Variants in ACOT11 observed in about 807,000 individuals in gnomAD.
The protein encoded by ACOT11 is acyl-coenzyme A thioesterase 11.
Under a neutral mutation model 77.5 loss-of-function variants are expected in ACOT11, and 69 were observed. That is an observed-to-expected ratio of 0.89 (90% confidence interval 0.73 to 1.09). ACOT11 has a LOEUF of 1.09. Ranked by LOEUF, ACOT11 falls within the 50% of genes least tolerant of loss-of-function variation. The pLI is 0.00. For synonymous variants in ACOT11, 279 were observed against 313.0 expected (o/e 0.89, Z 1.15); for missense variants, 766 against 813.7 (o/e 0.94, Z 0.71).
intron 1 of ACOT11, among the ~76,000 whole-genome samples, chr1:54,567,448 T>G (rs1653774627): frequency 1.3e-5 from 2 of 151,984 alleles, no homozygotes; most frequent in Admixed American, 6.5e-5. Flanking sequence ...CCAGCTAATT[T>G]TTGTATTTTT....
chr1:54,616,005 CAG>C (rs1557671929), intron 15 of ACOT11: 1 of 1,612,668 alleles, frequency 6.2e-7, no homozygotes. Flanking sequence ...AGAGGGTTTC[CAG>C]AGAGGCCCTT....
rs746311498 is a variant in ACOT11 at position 54,609,460 on chromosome 1, A to C, written c.*348A>C. ...ATGCCAGCAGCCTGCCTATGGCTCC[A>C]GCTGTGCTGTGGCCCAGCAGCATGG... On this transcript the variant is annotated 3_prime_UTR_variant, in exon 16 of 16. Transcript: ENST00000343744. 6 of 1,613,402 alleles carry C rather than the reference A, an allele frequency of 3.7e-6. No homozygotes were observed. The highest frequency in any genetic ancestry group is 4.2e-6 in the Non-Finnish European group (5 of 1,179,992).
At position 54,597,310 on chromosome 1, in the gene ACOT11, T is replaced by G; in HGVS notation, c.659T>G (p.Val220Gly). Residue 220 changes from valine (V) to glycine (G), a missense_variant, in exon 7 of 16, where the codon GTG (valine) becomes GGG (glycine). Val to Gly is a moderately radical substitution (Grantham distance 109). Coordinates refer to ENST00000343744, the MANE Select transcript of ACOT11 (RefSeq NM_147161.4). ...ATGGTGCCGGCTGAGAAGACCCGTG[T>G]GGAGAGTGTGGAGCTGGTCCTGCCT... The part of the protein sequence containing the change: ...SRMVPAEKTR[V>G]ESVELVLPPH... 3.7e-6 allele frequency: 6 copies of G among 1,613,868 alleles called. No homozygotes were observed. The highest frequency in any genetic ancestry group is 4.2e-6 in the Non-Finnish European group (5 of 1,180,012).
rs1372909342 is a variant in ACOT11, at chr1:54,562,118, G to A, written c.33+13776G>A. 1.0e-4 allele frequency among the ~76,000 whole-genome samples: 7 copies of A among 67,776 alleles called. No individual in the cohort carries two copies. The East Asian group carries it at 2.0e-3, about 20-fold the overall frequency. The allele number at this position is 67,776 out of a possible 152,430, so 44.5% of individuals were successfully genotyped here. On this transcript the variant is annotated intron_variant, in intron 1 of 15. Coordinates refer to ENST00000343744, the MANE Select transcript of ACOT11 (RefSeq NM_147161.4). ...GACCCCCCCAACCTCCCTCCCGGAC[G>A]GGGCGGCTGGCCGGGCAGAGGGGCT...
Position 54,602,677 on chromosome 1 carries a change from G to A in ACOT11, c.1038G>A (p.Glu346=). The change falls in exon 10 of 16, where the codon GAG becomes GAA. Residue 346 remains glutamate, a synonymous_variant. Coordinates refer to ENST00000343744, the MANE Select transcript of ACOT11 (RefSeq NM_147161.4). The part of the protein sequence containing the change: ...PWIRPQPGDG[E]RRYREASARK... ...CCCGACTTCCTCCCCAGGATGGTGA[G>A]CGGCGGTACCGAGAGGCCAGTGCCA... 6.4e-7 allele frequency: 1 copy of A among 1,551,938 alleles called. No individual in the cohort carries two copies. Among genetic ancestry groups the A allele is most frequent in the Non-Finnish European group, 8.7e-7 (1 of 1,149,928 alleles).
exon 17 of ACOT11, chr1:54,634,800 C>T (rs1441495480): frequency 1.3e-5 from 9 of 689,768 alleles, no homozygotes; most frequent in South Asian, 6.1e-5. Context: ...GTTGCAGCCA[C>T]GTAGAGACTG....
chr1:54,600,049 A>G (rs1399829026), intron 8 of ACOT11, among the ~76,000 whole-genome samples: 1 of 152,244 alleles, frequency 6.6e-6, no homozygotes, highest in African/African-American at 2.4e-5. Flanking sequence ...AATGGGGCTC[A>G]TCACAACTAC....
downstream of ACOT11, among the ~76,000 whole-genome samples, chr1:54,612,187 G>GC (rs1213947714): frequency 2.0e-5 from 3 of 151,872 alleles, no homozygotes; most frequent in African/African-American, 7.3e-5. Flanking sequence ...AATCTGTGTA[G>GC]CCCCAGGGGT....
chr1:54,623,229 G>C (rs773375116), intron 15 of ACOT11: 1 of 1,231,274 alleles, frequency 8.1e-7, no homozygotes, highest in African/African-American at 1.5e-5. Flanking sequence ...GGGATAAGGA[G>C]CGAGCGATGA....
At chr1:54,635,190 T>C (rs1306912216) in exon 17 of ACOT11, 4 of 229,958 alleles carry the variant, frequency 1.7e-5, no homozygotes, top group South Asian at 5.7e-5. Flanking sequence ...CTTTGCAGAA[T>C]AGGCAGAGAT....
chr1:54,561,738 C>G (rs1653498437), intron 1 of ACOT11, among the ~76,000 whole-genome samples: 1 of 122,830 alleles, frequency 8.1e-6, no homozygotes, highest in Non-Finnish European at 1.7e-5. Context: ...GGGGGCTGAC[C>G]CCCCCCACCT....
chr1:54,613,420 C>T (rs1283342252), downstream of ACOT11, among the ~76,000 whole-genome samples: 1 of 151,404 alleles, frequency 6.6e-6, no homozygotes, highest in Non-Finnish European at 1.5e-5. Flanking sequence ...GCTTTCCTCC[C>T]TCCTTCCCTC....
intron 1 of ACOT11, among the ~76,000 whole-genome samples, chr1:54,569,249 A>T (rs1301595646): frequency 2.0e-5 from 3 of 151,872 alleles, no homozygotes; most frequent in Non-Finnish European, 4.4e-5. Flanking sequence ...GGCATGAGCC[A>T]CTGTGTCTGG....
In ACOT11 at chr1:54,609,111, A is replaced by G. The variant is rs752345981; in HGVS notation, c.1784A>G (p.Ter595TrpextTer58). Residue 595 changes from the stop codon to tryptophan, a stop_lost, in exon 16 of 16, where the codon TAG becomes TGG. Coordinates refer to ENST00000343744, the MANE Select transcript of ACOT11 (RefSeq NM_147161.4). ...NDLAPSLQTL[*>W] ...CTGGCCCCCAGCCTCCAGACCCTCT[A>G]GATGCCCTCAGTGGCCACATCATGC... 4.3e-6 allele frequency: 7 copies of G among 1,613,918 alleles called. No homozygotes were observed. The Admixed American group carries it at 8.3e-5, about 19-fold the overall frequency.
Position 54,609,508 on chromosome 1 carries a change from T to C in ACOT11, c.*396T>C, listed in dbSNP as rs765831243. The C allele has an allele frequency of 1.5e-5, 24 of 1,613,104 alleles. No individual in the cohort carries two copies. The African/African-American group carries it at 2.8e-4, about 19-fold the overall frequency. On this transcript the variant is annotated 3_prime_UTR_variant, in exon 16 of 16. Transcript: ENST00000343744. ...TGGCCTGCATCTGGAAGGACACAGG[T>C]TGCCAGAGCCCCTGGCACAACTCTA...
chr1:54,576,361 G>A (rs12085607), intron 1 of ACOT11, among the ~76,000 whole-genome samples: 9 of 151,904 alleles, frequency 5.9e-5, no homozygotes, highest in Non-Finnish European at 1.2e-4. Flanking sequence ...AATTAGCTGG[G>A]TGGCACATGC....
intron 1 of ACOT11, among the ~76,000 whole-genome samples, chr1:54,567,282 CT>C (rs5774191): frequency 1.0e-3 from 141 of 139,670 alleles, no homozygotes; most frequent in Admixed American, 1.4e-3. Context: ...GACTTTTTTC[CT>C]TTTTTTTTTT....
chr1:54,601,098 T>C (rs1342704412), intron 8 of ACOT11, among the ~76,000 whole-genome samples, 171 bp from the exon 9 acceptor site: 1 of 151,524 alleles, frequency 6.6e-6, no homozygotes, highest in Admixed American at 6.6e-5. Context: ...CATACATGTG[T>C]GTGTATGTGT....
intron 1 of ACOT11, among the ~76,000 whole-genome samples, chr1:54,564,499 C>T (rs935006240): frequency 7.2e-5 from 11 of 152,196 alleles, no homozygotes; most frequent in Non-Finnish European, 1.5e-5. Flanking sequence ...CCAGGTGTGG[C>T]CCTGTGCCAG....
Sources: gnomAD v4.1 joint callset for allele counts (sites outside exome capture counted in the v4.1 genomes callset) on GRCh38, gnomAD v4.1.1 for gene constraint, MANE v1.5 for transcripts, NCBI Gene and HGNC (gene_info 2026-07-23, HGNC 2026-07-21) for gene names.